The following XYLB variants were observed in gnomAD, a reference collection of about 807,000 sequenced individuals.
XYLB encodes xylulokinase.
A neutral mutation model predicts 78.7 loss-of-function variants in XYLB; 62 were observed. That is an observed-to-expected ratio of 0.79 (90% CI 0.64 to 0.97). XYLB has a LOEUF of 0.97. Ranked by LOEUF, XYLB falls within the 50% of genes least tolerant of loss-of-function variation. The pLI, the probability that XYLB is intolerant of heterozygous loss-of-function variation, is 0.00. For synonymous variants in XYLB, 245 were observed against 247.4 expected (o/e 0.99, Z 0.09); for missense variants, 687 against 676.8 (o/e 1.02, Z -0.17).
rs150572087 is a variant in XYLB, at chr3:38,368,266, C to T, written c.646+9C>T. 6.8e-4 allele frequency: 1,092 copies of T among 1,613,872 alleles called. 7 individuals are homozygous for T. In the African/African-American group the frequency reaches 0.012, roughly 18 times the overall value. On this transcript the variant is annotated intron_variant, in intron 8 of 18. Coordinates refer to ENST00000207870, the MANE Select transcript of XYLB (RefSeq NM_005108.4). Reference sequence around the variant, plus strand: ...TATTGACTACAGTGATGGTGAGCCTCGGGGTATGGGGTGGGTGCCTGGGCA... The same window carrying T: ...TATTGACTACAGTGATGGTGAGCCTTGGGGTATGGGGTGGGTGCCTGGGCA...
downstream of XYLB, among the ~76,000 whole-genome samples, chr3:38,419,014 C>G (rs1367139951): frequency 4.6e-5 from 7 of 152,106 alleles, no homozygotes; most frequent in Non-Finnish European, 1.0e-4. Flanking sequence ...TTTTATCATT[C>G]TAGACTGAAA....
chr3:38,424,881 G>A (rs908846648), downstream of XYLB, among the ~76,000 whole-genome samples: 1 of 152,192 alleles, frequency 6.6e-6, no homozygotes, highest in Admixed American at 6.5e-5. Context: ...ACCTTTGACT[G>A]CAGGAAATCA....
chr3:38,369,989 G>A, intron 8 of XYLB, 67 bp from the exon 9 acceptor site: 1 of 1,372,064 alleles, frequency 7.3e-7, no homozygotes, highest in East Asian at 2.3e-5. Flanking sequence ...CTCTGTGCCA[G>A]ATTTGTGCAT....
chr3:38,382,179 C>T lies in XYLB; in HGVS notation c.1291+2837C>T, dbSNP rs184958209. Among the ~76,000 whole-genome samples, 15 of 152,258 alleles carry T rather than the reference C, an allele frequency of 9.9e-5. No individual in the cohort carries two copies. In the East Asian group the frequency reaches 2.7e-3, roughly 27 times the overall value. ...CCCCGATAATGGTGAAACCCCTTCT[C>T]TACAAAAAATACGAAAATTAGCCAG... On this transcript the variant is annotated intron_variant, in intron 15 of 18. Transcript: ENST00000207870.
the XYLB span, among the ~76,000 whole-genome samples, chr3:38,426,694 A>T: frequency 6.6e-6 from 1 of 152,226 alleles, no homozygotes; most frequent in Non-Finnish European, 1.5e-5. Context: ...ATCCTGCGAG[A>T]AGTAGCCTAC....
chr3:38,353,118 T>C (rs1165881412), intron 2 of XYLB, among the ~76,000 whole-genome samples: 1 of 152,192 alleles, frequency 6.6e-6, no homozygotes, highest in Non-Finnish European at 1.5e-5. Context: ...GAGTCATAGT[T>C]CAAAAGGCCT....
intron 15 of XYLB, among the ~76,000 whole-genome samples, chr3:38,392,291 C>A (rs963130175): frequency 6.6e-6 from 1 of 152,044 alleles, no homozygotes; most frequent in Non-Finnish European, 1.5e-5. Context: ...TCTTAATTAA[C>A]GATGATTTTG....
chr3:38,348,812 C>T (rs889084841), intron 2 of XYLB, among the ~76,000 whole-genome samples, 180 bp downstream of exon 2: 4 of 152,284 alleles, frequency 2.6e-5, no homozygotes, highest in Middle Eastern at 6.8e-3. Context: ...CCATTTCTTC[C>T]TAATTCCATT....
At chr3:38,360,464 T>C in intron 3 of XYLB, 56 bp downstream of exon 3, 5 of 1,474,490 alleles carry the variant, frequency 3.4e-6, no homozygotes, top group Non-Finnish European at 3.7e-6. Flanking sequence ...ACTGGCAGAC[T>C]CGGTGATTTG....
the XYLB span, among the ~76,000 whole-genome samples, chr3:38,428,028 T>G: frequency 6.6e-6 from 1 of 152,252 alleles, no homozygotes; most frequent in African/African-American, 2.4e-5. Flanking sequence ...TTTCATATGT[T>G]CTGTTTCCAT....
At chr3:38,421,070 C>T (rs1048908999), downstream of XYLB, 1 of 152,232 alleles carries the variant, frequency 6.6e-6, no homozygotes, top group African/African-American at 2.4e-5. Context: ...AGCTAATCTA[C>T]AATCTATAGA....
intron 15 of XYLB, among the ~76,000 whole-genome samples, chr3:38,381,749 A>G (rs1413122225): frequency 2.0e-5 from 3 of 152,168 alleles, no homozygotes; most frequent in Non-Finnish European, 4.4e-5. Flanking sequence ...CCCACCTAAT[A>G]AATTTTGGTC....
chr3:38,363,153 A>G, intron 4 of XYLB, 136 bp downstream of exon 4: 1 of 579,298 alleles, frequency 1.7e-6, no homozygotes, highest in Middle Eastern at 5.0e-4. Context: ...CACTGTGAAT[A>G]AAAATCCCTA....
intron 14 of XYLB, among the ~76,000 whole-genome samples, chr3:38,377,784 A>T (rs999481259): frequency 1.3e-5 from 2 of 152,120 alleles, no homozygotes; most frequent in Non-Finnish European, 2.9e-5. Flanking sequence ...TCCTCTTTCT[A>T]GATGGAGAGG....
chr3:38,403,078 C>T (rs1005520029), intron 18 of XYLB, among the ~76,000 whole-genome samples: 5 of 152,098 alleles, frequency 3.3e-5, no homozygotes, highest in African/African-American at 1.2e-4. Context: ...GGGCAGATTG[C>T]TTGAGCCCAG....
At chr3:38,408,678 A>T (rs893973409) in intron 18 of XYLB, among the ~76,000 whole-genome samples, 3 of 119,822 alleles carry the variant, frequency 2.5e-5, no homozygotes, top group African/African-American at 7.6e-5. Context: ...AATCAAATAG[A>T]CGCAATAAAA....
At chr3:38,363,059 G>C in intron 4 of XYLB, 42 bp downstream of exon 4, 1 of 1,437,124 alleles carries the variant, frequency 7.0e-7, no homozygotes, top group South Asian at 1.5e-5. Context: ...GAGGGTGACT[G>C]TCCTGGGCAA....
At position 38,376,101 on chromosome 3, in the gene XYLB, A is replaced by G. The variant is rs376487143; in HGVS notation, c.1005-16A>G. On this transcript the variant is annotated splice_polypyrimidine_tract_variant and intron_variant, in intron 12 of 18. Transcript: ENST00000207870. ...AGCACCAGCTCCCTCCCTCAGAGCT[A>G]TGCCCTCTTCTGCAGCTTTAAAAAT... 9.0e-6 allele frequency: 14 copies of G among 1,559,676 alleles called. No individual in the cohort carries two copies. The highest frequency in any genetic ancestry group is 3.3e-5 in the Admixed American group (2 of 59,964).
chr3:38,362,986 C>T lies in XYLB; in HGVS notation c.260C>T (p.Ser87Phe). 1 of 1,576,902 alleles carries T rather than the reference C, an allele frequency of 6.3e-7. No individual in the cohort carries two copies. The highest frequency in any genetic ancestry group is 1.2e-5 in the South Asian group (1 of 85,636). Residue 87 changes from serine (S) to phenylalanine (F), a missense_variant, in exon 4 of 19, where the codon TCT (serine) becomes TTT (phenylalanine). By Grantham distance (155) the Ser-to-Phe change is radical. Coordinates refer to ENST00000207870, the MANE Select transcript of XYLB (RefSeq NM_005108.4). ...ATGAAGGCTTCGGGCTTCGACTTCT[C>T]TCAAGTCCTAGCCTTGTCCGGGGCG... ...EKMKASGFDF[S>F]QVLALSGAGQ...
Sources: gnomAD v4.1 joint callset for allele counts (sites outside exome capture counted in the v4.1 genomes callset) on GRCh38, gnomAD v4.1.1 for gene constraint, MANE v1.5 for transcripts, NCBI Gene and HGNC (gene_info 2026-07-23, HGNC 2026-07-21) for gene names.